Variants in TAFA5 observed in about 807,000 individuals in gnomAD.
TAFA5 encodes the protein chemokine-like protein TAFA-5.
A neutral mutation model predicts 15.3 loss-of-function variants in TAFA5; 6 were observed. The ratio of observed to expected loss-of-function variants is 0.39; its 90% CI spans 0.21 to 0.77. The LOEUF (loss-of-function observed/expected upper bound fraction) is 0.77. Ranked by LOEUF, TAFA5 falls within the 30% of genes least tolerant of loss-of-function variation. TAFA5 has a pLI of 0.41. For synonymous variants in TAFA5, 103 were observed against 80.7 expected (o/e 1.28, Z -1.48); for missense variants, 161 against 193.1 (o/e 0.83, Z 0.98).
intron 1 of TAFA5, among the ~76,000 whole-genome samples, chr22:48,535,538 C>T (rs1049943837): frequency 2.0e-5 from 3 of 152,250 alleles, no homozygotes; most frequent in African/African-American, 7.2e-5. Context: ...TATGAGCACT[C>T]GTGCCTTTGT....
At chr22:48,509,998 A>G (rs1441913114) in intron 1 of TAFA5, among the ~76,000 whole-genome samples, 1 of 151,670 alleles carries the variant, frequency 6.6e-6, no homozygotes, top group Non-Finnish European at 1.5e-5. Flanking sequence ...AAAAAGAAAG[A>G]CTGAAACTAG....
intron 1 of TAFA5, among the ~76,000 whole-genome samples, chr22:48,540,097 C>T (rs550960926): frequency 6.6e-6 from 1 of 152,196 alleles, no homozygotes; most frequent in Non-Finnish European, 1.5e-5. Context: ...GAAGGGCTGG[C>T]CCCCTCACCC....
At chr22:48,580,212 A>G (rs1310817489) in intron 1 of TAFA5, among the ~76,000 whole-genome samples, 3 of 152,106 alleles carry the variant, frequency 2.0e-5, no homozygotes, top group African/African-American at 7.2e-5. Context: ...TTCGGAAATG[A>G]GGCGTCCTCC....
At chr22:48,637,096 T>G (rs1926478062) in intron 1 of TAFA5, among the ~76,000 whole-genome samples, 1 of 152,148 alleles carries the variant, frequency 6.6e-6, no homozygotes, top group African/African-American at 2.4e-5. Context: ...GTGAGCAGCC[T>G]TTCCGAGTCA....
chr22:48,737,191 C>T (rs977742888), intron 3 of TAFA5, among the ~76,000 whole-genome samples: 1 of 152,186 alleles, frequency 6.6e-6, no homozygotes, highest in African/African-American at 2.4e-5. Flanking sequence ...CCTGGCCACA[C>T]AGAGAGGCCT....
intron 1 of TAFA5, among the ~76,000 whole-genome samples, chr22:48,565,574 G>T (rs964055392): frequency 6.6e-6 from 1 of 152,196 alleles, no homozygotes; most frequent in African/African-American, 2.4e-5. Context: ...TCCATTGAAG[G>T]CTTTTAGGGC....
chr22:48,645,938 G>A (rs1264660514), intron 1 of TAFA5, among the ~76,000 whole-genome samples: 1 of 151,814 alleles, frequency 6.6e-6, no homozygotes, highest in Non-Finnish European at 1.5e-5. Flanking sequence ...GTGCCTGTTT[G>A]CACACACGTA....
intron 1 of TAFA5, among the ~76,000 whole-genome samples, chr22:48,558,661 G>A (rs914579772): frequency 3.9e-5 from 6 of 152,324 alleles, no homozygotes; most frequent in Non-Finnish European, 8.8e-5. Flanking sequence ...TCTTCCGGGC[G>A]TGGCCACTGG....
At chr22:48,681,201 C>T (rs1365651081) in intron 2 of TAFA5, among the ~76,000 whole-genome samples, 4 of 152,170 alleles carry the variant, frequency 2.6e-5, no homozygotes, top group Admixed American at 1.3e-4. Flanking sequence ...CCCTGCCCAT[C>T]GCAGCTGTAA....
chr22:48,694,685 G>A lies in TAFA5; in HGVS notation c.263-13032G>A, dbSNP rs185854737. ...CATCTGATGTTCTCTGTGTCCCCGG[G>A]CCACAGTGCCCTGGCAAGGGCTGAC... On this transcript the variant is annotated intron_variant, in intron 2 of 3. Transcript: ENST00000402357. Among the ~76,000 whole-genome samples the A allele has an allele frequency of 3.3e-3, 505 of 152,222 alleles. 3 individuals carry two copies. The highest frequency in any genetic ancestry group is 0.012 in the African/African-American group (479 of 41,532).
chr22:48,702,165 A>C (rs1324482471), intron 2 of TAFA5, among the ~76,000 whole-genome samples: 1 of 152,056 alleles, frequency 6.6e-6, no homozygotes, highest in Non-Finnish European at 1.5e-5. Flanking sequence ...GTGTGTGGAC[A>C]TGTGGCTGAG....
At position 48,742,417 on chromosome 22, in the gene TAFA5, G is replaced by A. The variant is rs1354545981; in HGVS notation, c.391-7422G>A. Among the ~76,000 whole-genome samples the A allele has an allele frequency of 1.3e-5, 2 of 152,232 alleles. No individual in the cohort carries two copies. Among genetic ancestry groups the A allele is most frequent in the African/African-American group, 4.8e-5 (2 of 41,464 alleles). ...CCCACATTAACACAGCAAGAGCCCA[G>A]CCAGAGCAGGTGGGGCAGGAGACGG... On this transcript the variant is annotated intron_variant, in intron 3 of 3. Transcript: ENST00000402357. The surrounding 1 kb of genome is among the most constrained non-coding windows in gnomAD (Gnocchi z 6.2).
At chr22:48,499,222 C>T (rs1267856870) in intron 1 of TAFA5, among the ~76,000 whole-genome samples, 2 of 152,230 alleles carry the variant, frequency 1.3e-5, no homozygotes, top group African/African-American at 2.4e-5. Context: ...TCACATGTAA[C>T]CGTGCTGCCG....
At chr22:48,596,977 T>C (rs28639910) in intron 1 of TAFA5, among the ~76,000 whole-genome samples, 1,621 of 152,176 alleles carry the variant, frequency 0.011, 32 homozygotes, top group African/African-American at 0.037. Flanking sequence ...TTGACTAGTT[T>C]TTGTATTTTG....
chr22:48,501,820 A>G (rs187893674), intron 1 of TAFA5, among the ~76,000 whole-genome samples: 30 of 152,278 alleles, frequency 2.0e-4, no homozygotes, highest in African/African-American at 5.5e-4. Flanking sequence ...CGGAGGGTGC[A>G]TCTGTCCCCA....
At chr22:48,509,004 C>T (rs759314594) in intron 1 of TAFA5, among the ~76,000 whole-genome samples, 1 of 152,216 alleles carries the variant, frequency 6.6e-6, no homozygotes, top group Non-Finnish European at 1.5e-5. Flanking sequence ...TAATTCTCCT[C>T]TCTATTTCTA....
chr22:48,518,080 C>T (rs1185468937), intron 1 of TAFA5, among the ~76,000 whole-genome samples: 3 of 152,218 alleles, frequency 2.0e-5, no homozygotes, highest in African/African-American at 7.2e-5. Flanking sequence ...AGGAAGAATC[C>T]CCCAGGCCCA....
At chr22:48,610,447 G>A (rs934119071) in intron 1 of TAFA5, among the ~76,000 whole-genome samples, 2 of 152,254 alleles carry the variant, frequency 1.3e-5, no homozygotes, top group African/African-American at 2.4e-5. Context: ...CTGAGGAAGC[G>A]CCCTCAGGCA....
intron 2 of TAFA5, among the ~76,000 whole-genome samples, chr22:48,674,677 AC>A (rs67528982): frequency 6.6e-6 from 1 of 151,132 alleles, no homozygotes; most frequent in Non-Finnish European, 1.5e-5. Flanking sequence ...GGAGGTCCAC[AC>A]CCCCCACAGA....
Sources: allele counts gnomAD v4.1 joint callset (sites outside exome capture counted in the v4.1 genomes callset), GRCh38; gene constraint gnomAD v4.1.1; non-coding constraint Gnocchi (gnomAD v3.1); transcripts MANE v1.5; gene names NCBI Gene and HGNC (gene_info 2026-07-23, HGNC 2026-07-21).